Variants in SH2D4B observed in about 807,000 individuals in gnomAD.
SH2D4B encodes SH2 domain-containing protein 4B.
Under a neutral mutation model 61.5 loss-of-function variants are expected in SH2D4B, and 45 were observed. The ratio of observed to expected loss-of-function variants is 0.73; its 90% confidence interval spans 0.58 to 0.94. The LOEUF is 0.94. SH2D4B is among the 40% of genes least tolerant of loss of function. SH2D4B has a pLI of 0.00. For synonymous variants in SH2D4B, 224 were observed against 220.4 expected (o/e 1.02, Z -0.14); for missense variants, 572 against 574.2 (o/e 1.00, Z 0.04).
chr10:80,606,494 G>A (rs145682033), intron 5 of SH2D4B, among the ~76,000 whole-genome samples: 12 of 152,064 alleles, frequency 7.9e-5, no homozygotes, highest in East Asian at 5.8e-4. Context: ...TTACAGGCGC[G>A]CGCCAGTACA....
chr10:80,639,447 TG>T (rs1302034830), intron 7 of SH2D4B, among the ~76,000 whole-genome samples: 2 of 152,250 alleles, frequency 1.3e-5, no homozygotes, highest in Non-Finnish European at 2.9e-5. Flanking sequence ...TCTAAGGACT[TG>T]CTTTATCTGG....
At chr10:80,605,604 C>T (rs753293307) in intron 5 of SH2D4B, among the ~76,000 whole-genome samples, 15 of 152,124 alleles carry the variant, frequency 9.9e-5, no homozygotes, top group South Asian at 2.1e-4. Flanking sequence ...CTGCAACCTC[C>T]GCCTCCCAGG....
chr10:80,574,230 G>A, intron 3 of SH2D4B, among the ~76,000 whole-genome samples: 1 of 152,148 alleles, frequency 6.6e-6, no homozygotes, highest in Admixed American at 6.5e-5. Context: ...CCTGTCTCCT[G>A]GGCTTAAGTG....
At chr10:80,635,239 T>G (rs1842883099) in intron 7 of SH2D4B, among the ~76,000 whole-genome samples, 1 of 152,200 alleles carries the variant, frequency 6.6e-6, no homozygotes. Context: ...AAGCAGTGTA[T>G]GTAGTAAGAA....
At chr10:80,542,480 T>G (rs1007132776) in intron 1 of SH2D4B, among the ~76,000 whole-genome samples, 1 of 147,740 alleles carries the variant, frequency 6.8e-6, no homozygotes, top group Non-Finnish European at 1.5e-5. Flanking sequence ...TCACTGCTAC[T>G]TCTGCCTCCC....
At position 80,638,437 on chromosome 10, in the gene SH2D4B, T is replaced by G. The variant is rs141360614; in HGVS notation, c.1209+3932T>G. ...GTCCTGGACTTTTTTTGGTTGGTAG[T>G]CTATTAATTATTGCCTCAATTTCAG... On this transcript the variant is annotated intron_variant, in intron 7 of 7. Coordinates refer to ENST00000646907, the MANE Select transcript of SH2D4B (RefSeq NM_001388272.1). Among the ~76,000 whole-genome samples, 1,298 of 152,192 alleles carry G rather than the reference T, an allele frequency of 8.5e-3. 19 individuals are homozygous for G. The highest frequency in any genetic ancestry group is 0.03 in the African/African-American group (1,249 of 41,532).
intron 7 of SH2D4B, among the ~76,000 whole-genome samples, chr10:80,640,156 A>AG (rs1840264818): frequency 6.6e-6 from 1 of 152,190 alleles, no homozygotes; most frequent in African/African-American, 2.4e-5. Flanking sequence ...CCTAGAGATC[A>AG]GCTGTTAGTC....
At chr10:80,559,391 C>T (rs1042966097) in intron 1 of SH2D4B, among the ~76,000 whole-genome samples, 3 of 151,988 alleles carry the variant, frequency 2.0e-5, no homozygotes, top group Non-Finnish European at 4.4e-5. Context: ...CAAATGTTAA[C>T]GTTAGTGTCT....
intron 3 of SH2D4B, among the ~76,000 whole-genome samples, chr10:80,586,739 C>T (rs1021620045): frequency 2.0e-5 from 3 of 152,186 alleles, no homozygotes; most frequent in East Asian, 1.9e-4. Flanking sequence ...ATCCCCTTGC[C>T]GCTGTGGAAG....
intron 1 of SH2D4B, among the ~76,000 whole-genome samples, chr10:80,569,600 C>T (rs532035503): frequency 5.4e-4 from 82 of 151,688 alleles, no homozygotes; most frequent in African/African-American, 1.8e-3. Context: ...TGGGTGGCAG[C>T]GAGGGTAAAG....
chr10:80,643,846 C>G (rs957279021), intron 7 of SH2D4B, 147 bp from the exon 8 acceptor site: 16 of 474,520 alleles, frequency 3.4e-5, no homozygotes, highest in Non-Finnish European at 4.9e-5. Context: ...AAAGGCAGCT[C>G]TTTTTTCCTG....
In SH2D4B at chr10:80,551,014, A is replaced by G. The variant is rs866283038; in HGVS notation, c.184+12499A>G. On this transcript the variant is annotated intron_variant, in intron 1 of 7. Coordinates refer to ENST00000646907, the MANE Select transcript of SH2D4B (RefSeq NM_001388272.1). ...GCCTTTCTTAGAATAAAGCACAACAAGGAAAAGAAAAAGAAAAAGAAACAT... is the reference window on the plus strand; with the variant it reads ...GCCTTTCTTAGAATAAAGCACAACAGGGAAAAGAAAAAGAAAAAGAAACAT... Among the ~76,000 whole-genome samples, 3 of 152,268 alleles carry G rather than the reference A, an allele frequency of 2.0e-5. No homozygotes were observed. The South Asian group carries it at 6.2e-4, about 31-fold the overall frequency.
At chr10:80,551,980 C>A (rs1439782136) in intron 1 of SH2D4B, among the ~76,000 whole-genome samples, 1 of 152,168 alleles carries the variant, frequency 6.6e-6, no homozygotes, top group Non-Finnish European at 1.5e-5. Context: ...ACTTCTGTAT[C>A]CTTACATGGT....
At chr10:80,572,998 T>A (rs1360624275) in intron 3 of SH2D4B, among the ~76,000 whole-genome samples, 1 of 64,766 alleles carries the variant, frequency 1.5e-5, no homozygotes, top group East Asian at 4.8e-4. Flanking sequence ...TTTTTTTTTT[T>A]TTTTTTTTTT....
Position 80,603,679 on chromosome 10 carries a change from G to T in SH2D4B, c.744G>T (p.Thr248=). Residue 248 remains threonine, a synonymous_variant, in exon 5 of 8, where the codon ACG becomes ACT. Coordinates refer to ENST00000646907, the MANE Select transcript of SH2D4B (RefSeq NM_001388272.1). Reference sequence around the variant, plus strand: ...CGCTCCGTGCTATCCAGAAGGGCACGGTCGCTGGCCTCAGCTCCATGTTCC... The same window carrying T: ...CGCTCCGTGCTATCCAGAAGGGCACTGTCGCTGGCCTCAGCTCCATGTTCC... ...HHSLRAIQKG[T]VAGLSSMFRE... is the part of the protein sequence containing the mutation. The T allele has an allele frequency of 6.2e-7, 1 of 1,611,534 alleles. No individual in the cohort carries two copies. The highest frequency in any genetic ancestry group is 2.2e-5 in the East Asian group (1 of 44,750).
intron 6 of SH2D4B, among the ~76,000 whole-genome samples, chr10:80,631,245 GTTTA>G (rs1412943407): frequency 1.3e-5 from 2 of 152,170 alleles, no homozygotes; most frequent in Admixed American, 1.3e-4. Flanking sequence ...GGAAGTGTTT[GTTTA>G]TTTATTAATG....
intron 1 of SH2D4B, among the ~76,000 whole-genome samples, chr10:80,552,876 T>C (rs552485237): frequency 2.9e-4 from 44 of 150,746 alleles, no homozygotes; most frequent in African/African-American, 9.7e-4. Context: ...TTTCTCCCCC[T>C]CTCTCTCTTT....
At chr10:80,626,996 C>T (rs1254207418) in intron 6 of SH2D4B, among the ~76,000 whole-genome samples, 1 of 152,140 alleles carries the variant, frequency 6.6e-6, no homozygotes, top group Non-Finnish European at 1.5e-5. Context: ...CTGGTTATAA[C>T]AGGGTTGATA....
At chr10:80,587,921 C>A (rs1312315350) in intron 3 of SH2D4B, among the ~76,000 whole-genome samples, 4 of 152,194 alleles carry the variant, frequency 2.6e-5, no homozygotes, top group Non-Finnish European at 4.4e-5. Flanking sequence ...GAGGACGTGA[C>A]TTCATTCTGT....
Sources: gnomAD v4.1 joint callset for allele counts (sites outside exome capture counted in the v4.1 genomes callset) on GRCh38, gnomAD v4.1.1 for gene constraint, MANE v1.5 for transcripts, NCBI Gene and HGNC (gene_info 2026-07-23, HGNC 2026-07-21) for gene names.